The following PIP4K2B variants were observed in gnomAD, a reference collection of about 807,000 sequenced individuals.
PIP4K2B encodes the protein phosphatidylinositol 5-phosphate 4-kinase type-2 beta.
A neutral mutation model predicts 42.0 loss-of-function variants in PIP4K2B; 3 were observed. That is an observed-to-expected ratio of 0.07 (90% CI 0.03 to 0.18). The LOEUF (loss-of-function observed/expected upper bound fraction) is 0.18. Among genes scored for constraint, PIP4K2B ranks in the 10% least tolerant of loss-of-function variants. PIP4K2B has a pLI of 1.00. For missense variants in PIP4K2B, 332 were observed against 562.3 expected (o/e 0.59, Z 4.14); for synonymous variants, 204 against 210.1 (o/e 0.97, Z 0.25).
rs1259349574 is a variant in PIP4K2B at position 38,780,599 on chromosome 17, T to C, written c.360A>G (p.Ser120=). The change falls in exon 4 of 10, where the codon TCA becomes TCG. Residue 120 remains serine (S), a synonymous_variant. Coordinates refer to ENST00000619039, the MANE Select transcript of PIP4K2B (RefSeq NM_003559.5). ...TGTTGATGGGGGCGCTGCGCGTCAC[T>C]GAATTCTGATAATCGAGACAAAAGA... ...FGIDDQDYQN[S]VTRSAPINSD... 4 of 1,607,898 alleles carry C rather than the reference T, an allele frequency of 2.5e-6. No individual in the cohort carries two copies. The highest frequency in any genetic ancestry group is 3.4e-6 in the Non-Finnish European group (4 of 1,175,308).
At chr17:38,777,392 A>G (rs1909421119) in intron 7 of PIP4K2B, among the ~76,000 whole-genome samples, 1 of 152,192 alleles carries the variant, frequency 6.6e-6, no homozygotes, top group East Asian at 1.9e-4. Flanking sequence ...TGCCCTCTCC[A>G]TTGTAGGGAC....
intron 1 of PIP4K2B, among the ~76,000 whole-genome samples, chr17:38,796,859 T>C (rs550277107): frequency 6.6e-6 from 1 of 152,276 alleles, no homozygotes; most frequent in African/African-American, 2.4e-5. Context: ...CAAAGTAGGC[T>C]TTTTTTGAAG....
At chr17:38,791,951 C>T (rs1035974480) in intron 1 of PIP4K2B, among the ~76,000 whole-genome samples, 6 of 151,546 alleles carry the variant, frequency 4.0e-5, no homozygotes, top group South Asian at 2.1e-4. Flanking sequence ...AAAAAATTAA[C>T]GGAGCATGAT....
chr17:38,783,892 T>G (rs1909848047), intron 3 of PIP4K2B, among the ~76,000 whole-genome samples: 1 of 152,072 alleles, frequency 6.6e-6, no homozygotes. Context: ...TAAGCCACCA[T>G]GCCCCACCCA....
intron 4 of PIP4K2B, 26 bp downstream of exon 4, chr17:38,780,426 C>A (rs748901258): frequency 3.8e-6 from 6 of 1,582,060 alleles, no homozygotes; most frequent in Non-Finnish European, 4.3e-6. Flanking sequence ...CCATCCTCTG[C>A]AGCCCAGGCT....
At chr17:38,775,343 C>G (rs2042617247) in intron 7 of PIP4K2B, among the ~76,000 whole-genome samples, 1 of 152,136 alleles carries the variant, frequency 6.6e-6, no homozygotes, top group South Asian at 2.1e-4. Context: ...ACCGTGAACT[C>G]CTAGGCACAA....
chr17:38,777,235 TTTAA>T (rs2143363560), intron 7 of PIP4K2B, among the ~76,000 whole-genome samples: 1 of 152,194 alleles, frequency 6.6e-6, no homozygotes, highest in African/African-American at 2.4e-5. Flanking sequence ...GGCTAAATTT[TTTAA>T]TTTTTAGTAG....
Position 38,786,812 on chromosome 17 carries a change from A to G in PIP4K2B, c.257+11T>C, listed in dbSNP as rs1399793103. ...CCCACAAAACCTGAGTCCACTCAGT[A>G]GACAACTTACTTATTGAAGAGATGA... On this transcript the variant is annotated intron_variant, in intron 2 of 9. Transcript: ENST00000619039. 1 of 1,561,534 alleles carries G rather than the reference A, an allele frequency of 6.4e-7. No individual in the cohort carries two copies. The highest frequency in any genetic ancestry group is 1.4e-5 in the African/African-American group (1 of 74,020).
intron 1 of PIP4K2B, among the ~76,000 whole-genome samples, chr17:38,791,331 C>T (rs1263040221): frequency 6.6e-6 from 1 of 151,986 alleles, no homozygotes; most frequent in African/African-American, 2.4e-5. Context: ...ATGGCTGCTC[C>T]TCTCAACCTC....
Position 38,799,416 on chromosome 17 carries a change from GGAC to G in PIP4K2B, c.6_8del (p.Ser3del), listed in dbSNP as rs1311336603. On this transcript the variant is annotated inframe_deletion, in exon 1 of 10. Coordinates refer to ENST00000619039, the MANE Select transcript of PIP4K2B (RefSeq NM_003559.5). The surrounding 1 kb of genome is among the most constrained non-coding windows in gnomAD (Gnocchi z 4.4). ...CCACCGCCGTGGTGCTGGTGCAGTT[GGAC>G]GACATGCCCGGGGCGGCGGCGGCGG... 1.3e-6 allele frequency: 2 copies of G among 1,596,140 alleles called. No individual in the cohort carries two copies. The highest frequency in any genetic ancestry group is 1.7e-6 in the Non-Finnish European group (2 of 1,175,236).
At chr17:38,788,482 G>A (rs540400888) in intron 1 of PIP4K2B, among the ~76,000 whole-genome samples, 6 of 152,134 alleles carry the variant, frequency 3.9e-5, no homozygotes, top group Admixed American at 3.9e-4. Flanking sequence ...TTACAGGCAT[G>A]AGCCACTGCG....
At chr17:38,775,336 G>A (rs189836437) in intron 7 of PIP4K2B, among the ~76,000 whole-genome samples, 31 of 152,160 alleles carry the variant, frequency 2.0e-4, no homozygotes, top group African/African-American at 7.0e-4. Context: ...CACCACAACC[G>A]TGAACTCCTA....
chr17:38,791,595 G>A (rs1910345756), intron 1 of PIP4K2B, among the ~76,000 whole-genome samples: 1 of 150,288 alleles, frequency 6.7e-6, no homozygotes, highest in Non-Finnish European at 1.5e-5. Flanking sequence ...TTTTAGTAGA[G>A]ATGGGGTTTC....
In PIP4K2B at chr17:38,767,454, CAG is replaced by C. The variant is rs923886215; in HGVS notation, c.*2235_*2236del. On this transcript the variant is annotated 3_prime_UTR_variant, in exon 10 of 10. Coordinates refer to ENST00000619039, the MANE Select transcript of PIP4K2B (RefSeq NM_003559.5). ...GTTATGACCCAGTCAACAATACTGT[CAG>C]AAAAACAAAAAGCATTTGAAACAGA... 2.6e-5 allele frequency: 4 copies of C among 152,216 alleles called. No homozygotes were observed. Among genetic ancestry groups the C allele is most frequent in the African/African-American group, 4.8e-5 (2 of 41,382 alleles). 9.4% of individuals were successfully genotyped at this position (152,216 alleles called of 1,614,324 possible). A position where few individuals can be genotyped will look rare whatever the true frequency, so the allele number is the denominator to read the frequency against.
At chr17:38,780,977 C>T (rs896053355) in intron 3 of PIP4K2B, among the ~76,000 whole-genome samples, 11 of 152,134 alleles carry the variant, frequency 7.2e-5, no homozygotes, top group African/African-American at 2.4e-4. Context: ...AGCCATTTAA[C>T]TTCTCTACCC....
chr17:38,771,971 A>C (rs1339443533), intron 7 of PIP4K2B, among the ~76,000 whole-genome samples: 2 of 152,216 alleles, frequency 1.3e-5, no homozygotes, highest in Non-Finnish European at 2.9e-5. Context: ...TTGAGGCTGC[A>C]GTAAGCTATG....
chr17:38,787,134 C>A (rs1204276669), intron 1 of PIP4K2B, among the ~76,000 whole-genome samples: 1 of 152,176 alleles, frequency 6.6e-6, no homozygotes, highest in Non-Finnish European at 1.5e-5. Context: ...CTCCTGGACT[C>A]AAGCAATCTG....
chr17:38,768,544 C>G lies in PIP4K2B; in HGVS notation c.*1147G>C, dbSNP rs1908833656. 6.6e-6 allele frequency: 1 copy of G among 152,310 alleles called. No homozygotes were observed. The highest frequency in any genetic ancestry group is 2.4e-5 in the African/African-American group (1 of 41,456). The allele number at this position is 152,310 out of a possible 1,614,324, so 9.4% of individuals were successfully genotyped here. ...CTCTAAGATGGGGGCACCTTGCTGG[C>G]TGTAACTCTCCAGGCACAGGGAGAC... On this transcript the variant is annotated 3_prime_UTR_variant, in exon 10 of 10. Transcript: ENST00000619039.
intron 1 of PIP4K2B, among the ~76,000 whole-genome samples, chr17:38,798,174 A>C (rs1469210025): frequency 1.3e-5 from 2 of 152,192 alleles, no homozygotes; most frequent in Non-Finnish European, 2.9e-5. Flanking sequence ...TCACAAGTGA[A>C]CCTAAAGAAC....
Sources: allele counts gnomAD v4.1 joint callset (sites outside exome capture counted in the v4.1 genomes callset), GRCh38; gene constraint gnomAD v4.1.1; non-coding constraint Gnocchi (gnomAD v3.1); transcripts MANE v1.5; gene names NCBI Gene and HGNC (gene_info 2026-07-23, HGNC 2026-07-21).